The following NRG1 variants were observed in gnomAD, a reference collection of about 807,000 sequenced individuals.
NRG1 encodes the protein pro-neuregulin-1, membrane-bound isoform.
A neutral mutation model predicts 63.8 loss-of-function variants in NRG1; 18 were observed. That is an observed-to-expected ratio of 0.28 (90% CI 0.19 to 0.42). NRG1 has a LOEUF of 0.42. NRG1 is among the 10% of genes least tolerant of loss of function. The pLI is 1.00. For synonymous variants in NRG1, 302 were observed against 301.3 expected, an observed-to-expected ratio of 1.00 and a Z score of -0.02; for missense variants, 762 against 814.7, an observed-to-expected ratio of 0.94 and a Z score of 0.79.
At chr8:32,525,067 C>T (rs1830692393) in intron 1 of NRG1, among the ~76,000 whole-genome samples, 1 of 152,166 alleles carries the variant, frequency 6.6e-6, no homozygotes, top group South Asian at 2.1e-4. Flanking sequence ...AAGAAATACT[C>T]AAAGCTTCTT....
intron 1 of NRG1, among the ~76,000 whole-genome samples, chr8:31,993,155 G>C (rs531307744): frequency 6.6e-6 from 1 of 152,092 alleles, no homozygotes; most frequent in South Asian, 2.1e-4. Context: ...CTCGAGTAGA[G>C]GGTGGTTGAT....
chr8:31,903,679 G>GCC (rs1832289682), intron 1 of NRG1, among the ~76,000 whole-genome samples: 1 of 152,138 alleles, frequency 6.6e-6, no homozygotes, highest in Non-Finnish European at 1.5e-5. Context: ...TCTTGGCCAG[G>GCC]CATGGTGGAT....
chr8:32,321,245 GA>G (rs991886832), intron 1 of NRG1, among the ~76,000 whole-genome samples: 37 of 152,140 alleles, frequency 2.4e-4, no homozygotes, highest in African/African-American at 8.7e-4. Context: ...CAATAGGAAA[GA>G]AAGCCTTACT....
chr8:32,029,974 A>G (rs1025336068), intron 1 of NRG1, among the ~76,000 whole-genome samples: 1 of 152,178 alleles, frequency 6.6e-6, no homozygotes, highest in Non-Finnish European at 1.5e-5. Flanking sequence ...AAAGTTATAT[A>G]AAACATTCTC....
At chr8:32,657,950 G>C (rs2439326) in intron 5 of NRG1, among the ~76,000 whole-genome samples, 11,044 of 152,190 alleles carry the variant, frequency 0.073, 436 homozygotes, top group East Asian at 0.11. Context: ...ATAATGTCAT[G>C]TAATCTATAA....
intron 1 of NRG1, among the ~76,000 whole-genome samples, chr8:31,681,086 T>C (rs1188291882): frequency 6.6e-6 from 1 of 151,960 alleles, no homozygotes; most frequent in Non-Finnish European, 1.5e-5. Context: ...GTAAATGCAA[T>C]AAATGCTACA....
intron 1 of NRG1, among the ~76,000 whole-genome samples, chr8:32,255,136 C>A (rs1849548081): frequency 6.6e-6 from 1 of 152,184 alleles, no homozygotes; most frequent in Non-Finnish European, 1.5e-5. Context: ...TGGGTCTTGA[C>A]TCTTTCTCCA....
intron 1 of NRG1, among the ~76,000 whole-genome samples, chr8:32,301,487 G>A (rs570384092): frequency 6.6e-6 from 1 of 152,268 alleles, no homozygotes; most frequent in African/African-American, 2.4e-5. Context: ...TTGCAATATT[G>A]AATATCTCTA....
At chr8:32,647,353 G>C (rs1853819674) in intron 5 of NRG1, 6 of 985,366 alleles carry the variant, frequency 6.1e-6, no homozygotes, top group Non-Finnish European at 7.2e-6. Flanking sequence ...CTCGAGGTGA[G>C]AAACATGCCT....
intron 1 of NRG1, among the ~76,000 whole-genome samples, chr8:32,446,776 TG>T (rs1277505227): frequency 6.6e-6 from 1 of 152,120 alleles, no homozygotes; most frequent in Non-Finnish European, 1.5e-5. Flanking sequence ...TATTTCTTCT[TG>T]GGTTACTAAA....
chr8:32,421,783 G>A (rs1816727712), intron 1 of NRG1, among the ~76,000 whole-genome samples: 1 of 152,134 alleles, frequency 6.6e-6, no homozygotes, highest in African/African-American at 2.4e-5. Context: ...GGTGCCAGCA[G>A]AGAGGAAAAA....
At chr8:32,509,225 T>G (rs914389379) in intron 1 of NRG1, among the ~76,000 whole-genome samples, 1 of 151,958 alleles carries the variant, frequency 6.6e-6, no homozygotes, top group Admixed American at 6.6e-5. Flanking sequence ...CCTAGGTAGC[T>G]GGGACTACAG....
At chr8:32,728,163 T>G in intron 6 of NRG1, 85 bp downstream of exon 6, 1 of 1,566,392 alleles carries the variant, frequency 6.4e-7, no homozygotes, top group Non-Finnish European at 8.6e-7. Flanking sequence ...TTGTTGCTTT[T>G]TTTCCAATTT....
chr8:32,676,641 G>T (rs779923264), intron 5 of NRG1, among the ~76,000 whole-genome samples: 100 of 152,112 alleles, frequency 6.6e-4, no homozygotes, highest in Admixed American at 1.4e-3. Context: ...TTTAACAACG[G>T]CTGACACTTA....
At chr8:32,368,167 A>G (rs1298032147) in intron 1 of NRG1, among the ~76,000 whole-genome samples, 1 of 152,204 alleles carries the variant, frequency 6.6e-6, no homozygotes, top group Non-Finnish European at 1.5e-5. Flanking sequence ...AATACTTCCA[A>G]AGAAAAAAGT....
chr8:32,281,184 C>CT (rs35582021), intron 1 of NRG1, among the ~76,000 whole-genome samples: 1,222 of 94,350 alleles, frequency 0.013, 150 homozygotes, highest in African/African-American at 0.05. Flanking sequence ...GTAGTTTTTC[C>CT]TTTTTTTTTT....
At chr8:31,741,429 CA>C (rs369923968) in intron 1 of NRG1, among the ~76,000 whole-genome samples, 21 of 151,620 alleles carry the variant, frequency 1.4e-4, no homozygotes, top group African/African-American at 5.1e-4. Context: ...AAACTAACAA[CA>C]AAAAACCTGA....
chr8:31,762,682 A>G, intron 1 of NRG1, among the ~76,000 whole-genome samples: 1 of 152,202 alleles, frequency 6.6e-6, no homozygotes, highest in East Asian at 1.9e-4. Context: ...GATAGCAGTG[A>G]TGAGGTCAGA....
At chr8:32,528,550 A>T (rs1414141664) in intron 1 of NRG1, among the ~76,000 whole-genome samples, 2 of 152,230 alleles carry the variant, frequency 1.3e-5, no homozygotes, top group African/African-American at 4.8e-5. Flanking sequence ...AACTCTGTTC[A>T]TGAGTGATTA....
Sources: gnomAD v4.1 joint callset for allele counts (sites outside exome capture counted in the v4.1 genomes callset) on GRCh38, gnomAD v4.1.1 for gene constraint, MANE v1.5 for transcripts, NCBI Gene and HGNC (gene_info 2026-07-23, HGNC 2026-07-21) for gene names.